Variants in ROBO1 observed in about 807,000 individuals in gnomAD.
The protein encoded by ROBO1 is roundabout guidance receptor 1.
ROBO1 carries 149 observed loss-of-function variants against 195.9 expected under a neutral mutation model. The ratio of observed to expected loss-of-function variants is 0.76; its 90% CI spans 0.67 to 0.87. The LOEUF (loss-of-function observed/expected upper bound fraction) is 0.87, where lower values mean the gene tolerates loss of function less well. Ranked by LOEUF, ROBO1 falls within the 40% of genes least tolerant of loss-of-function variation. The pLI is 0.00. For missense variants in ROBO1, 1,933 were observed against 2,068.3 expected, an observed-to-expected ratio of 0.93 and a Z score of 1.27; for synonymous variants, 816 against 733.2, an observed-to-expected ratio of 1.11 and a Z score of -1.82.
intron 2 of ROBO1, among the ~76,000 whole-genome samples, chr3:79,174,813 G>A (rs1402130133): frequency 6.8e-6 from 1 of 147,796 alleles, no homozygotes; most frequent in Non-Finnish European, 1.5e-5. Flanking sequence ...TGGAGATTGC[G>A]CCACTGCACT....
chr3:79,755,771 A>G (rs1704362931), intron 1 of ROBO1, among the ~76,000 whole-genome samples: 1 of 152,174 alleles, frequency 6.6e-6, no homozygotes, highest in Admixed American at 6.5e-5. Context: ...CTGCCCCCCA[A>G]GGAGTCAGAA....
At chr3:79,259,400 A>G (rs1453929763) in intron 2 of ROBO1, among the ~76,000 whole-genome samples, 1 of 152,118 alleles carries the variant, frequency 6.6e-6, no homozygotes, top group Admixed American at 6.6e-5. Context: ...TCGGCCTCCC[A>G]TAGTGCTGGG....
intron 2 of ROBO1, among the ~76,000 whole-genome samples, chr3:79,530,427 A>G (rs889407328): frequency 1.3e-5 from 2 of 152,136 alleles, no homozygotes; most frequent in African/African-American, 4.8e-5. Flanking sequence ...AACTCAACAA[A>G]GCCAAAATGA....
intron 2 of ROBO1, among the ~76,000 whole-genome samples, chr3:79,202,211 T>C (rs1378329043): frequency 6.6e-6 from 1 of 152,052 alleles, no homozygotes; most frequent in Non-Finnish European, 1.5e-5. Flanking sequence ...TTGTTTCTCA[T>C]TCACTTTTGA....
chr3:78,801,122 T>C (rs554935379), intron 4 of ROBO1, among the ~76,000 whole-genome samples: 1 of 152,270 alleles, frequency 6.6e-6, no homozygotes, highest in African/African-American at 2.4e-5. Flanking sequence ...CACCTCGGGC[T>C]TAGGGCTCAT....
chr3:78,629,928 T>G (rs962687809), intron 25 of ROBO1, among the ~76,000 whole-genome samples: 1 of 152,156 alleles, frequency 6.6e-6, no homozygotes, highest in Non-Finnish European at 1.5e-5. Flanking sequence ...GTCCTTTTCA[T>G]GGTTTATTTA....
At position 78,606,908 on chromosome 3, in the gene ROBO1, G is replaced by A; in HGVS notation, c.4569C>T (p.Asp1523=). The A allele has an allele frequency of 6.2e-7, 1 of 1,613,738 alleles. No individual in the cohort carries two copies. Among genetic ancestry groups the A allele is most frequent in the East Asian group, 2.2e-5 (1 of 44,856 alleles). The change falls in exon 29 of 31, where the codon GAC becomes GAT. Residue 1523 remains aspartate, a synonymous_variant. Transcript: ENST00000464233. ...TCCCCTTGTAACTGCTTCCTTTTCT[G>A]TCTGATGATCTGTCTGTTCTTGCAT... ...SMDARTDRSS[D]RKGSSYKGRE... is the part of the protein sequence containing the mutation.
At chr3:79,684,456 T>C (rs1002365466) in intron 1 of ROBO1, among the ~76,000 whole-genome samples, 2 of 152,162 alleles carry the variant, frequency 1.3e-5, no homozygotes, top group African/African-American at 4.8e-5. Context: ...CCCACTTAAC[T>C]TTTGTTTTTT....
At chr3:78,716,547 T>G (rs2081907081) in intron 7 of ROBO1, among the ~76,000 whole-genome samples, 1 of 152,158 alleles carries the variant, frequency 6.6e-6, no homozygotes, top group South Asian at 2.1e-4. Flanking sequence ...TTCAAGGTGT[T>G]GAAAGATTTG....
chr3:79,731,289 T>G (rs1402068584), intron 1 of ROBO1, among the ~76,000 whole-genome samples: 1 of 152,180 alleles, frequency 6.6e-6, no homozygotes, highest in Non-Finnish European at 1.5e-5. Context: ...CAATTAATTG[T>G]ATGGTATTTT....
intron 2 of ROBO1, among the ~76,000 whole-genome samples, chr3:79,225,385 A>G (rs1035169832): frequency 2.0e-5 from 3 of 152,138 alleles, no homozygotes; most frequent in Non-Finnish European, 4.4e-5. Flanking sequence ...GGAAAATTTT[A>G]AAAAAATATG....
chr3:79,756,908 T>C (rs1704435592), intron 1 of ROBO1, among the ~76,000 whole-genome samples: 1 of 152,230 alleles, frequency 6.6e-6, no homozygotes, highest in African/African-American at 2.4e-5. Context: ...AACCACATAA[T>C]ATTTATCCTG....
intron 2 of ROBO1, among the ~76,000 whole-genome samples, chr3:79,525,389 AAAT>A (rs1371813263): frequency 6.7e-6 from 1 of 149,690 alleles, no homozygotes; most frequent in Non-Finnish European, 1.5e-5. Flanking sequence ...ATATTATGAG[AAAT>A]AATAACAATT....
At chr3:78,809,335 A>G (rs1346281925) in intron 4 of ROBO1, among the ~76,000 whole-genome samples, 3 of 152,174 alleles carry the variant, frequency 2.0e-5, no homozygotes, top group Admixed American at 6.5e-5. Flanking sequence ...AAATGTCAGG[A>G]AACAACAGAT....
At chr3:78,634,868 T>C (rs1232731090) in intron 23 of ROBO1, among the ~76,000 whole-genome samples, 1 of 152,198 alleles carries the variant, frequency 6.6e-6, no homozygotes, top group Non-Finnish European at 1.5e-5. Context: ...TTAAGTTATA[T>C]TTTTGTCATC....
intron 4 of ROBO1, among the ~76,000 whole-genome samples, chr3:78,899,143 A>G (rs1328852950): frequency 6.6e-6 from 1 of 152,220 alleles, no homozygotes; most frequent in African/African-American, 2.4e-5. Context: ...TTTTGGATCT[A>G]TATTGTCACA....
intron 21 of ROBO1, among the ~76,000 whole-genome samples, chr3:78,642,326 T>C (rs1356410446): frequency 6.6e-6 from 1 of 152,176 alleles, no homozygotes; most frequent in African/African-American, 2.4e-5. Flanking sequence ...TTTGAACTGC[T>C]AAATCACAAA....
Position 79,589,820 on chromosome 3 carries a change from T to A in ROBO1, c.88+4A>T. On this transcript the variant is annotated splice_donor_region_variant and intron_variant, in intron 2 of 30. Coordinates refer to ENST00000464233, the MANE Select transcript of ROBO1 (RefSeq NM_002941.4). ...TATTGATGAAACAAATGCACAGCAC[T>A]TACCTGGAATAAGCTGGGCCAGAAA... 2.5e-6 allele frequency: 4 copies of A among 1,608,700 alleles called. No homozygotes were observed. Among genetic ancestry groups the A allele is most frequent in the Non-Finnish European group, 3.4e-6 (4 of 1,175,886 alleles).
At chr3:79,550,005 G>A (rs945621368) in intron 2 of ROBO1, among the ~76,000 whole-genome samples, 19 of 151,704 alleles carry the variant, frequency 1.3e-4, no homozygotes, top group East Asian at 1.2e-3. Flanking sequence ...TGAGCCTGTA[G>A]TCCTAGCTAC....
Sources: allele counts gnomAD v4.1 joint callset (sites outside exome capture counted in the v4.1 genomes callset), GRCh38; gene constraint gnomAD v4.1.1; transcripts MANE v1.5; gene names NCBI Gene and HGNC (gene_info 2026-07-23, HGNC 2026-07-21).